ERAP1: variants seen among roughly 807,000 people sequenced by gnomAD.
The protein encoded by ERAP1 is adipocyte-derived leucine aminopeptidase.
Under a neutral mutation model 103.7 loss-of-function variants are expected in ERAP1, and 86 were observed. The observed-to-expected ratio is 0.83, with a 90% CI of 0.70 to 0.99. The LOEUF (loss-of-function observed/expected upper bound fraction) is 0.99. Among genes scored for constraint, ERAP1 ranks in the 50% least tolerant of loss-of-function variants. The pLI is 0.00. For missense variants in ERAP1, 1,009 were observed against 1,128.4 expected (o/e 0.89, Z 1.52); for synonymous variants, 398 against 402.4 (o/e 0.99, Z 0.13).
the ERAP1 span, among the ~76,000 whole-genome samples, chr5:96,835,975 C>T: frequency 3.3e-5 from 5 of 152,120 alleles, no homozygotes; most frequent in Admixed American, 3.3e-4. Flanking sequence ...ATGGGACCTC[C>T]GTTTCACCTT....
chr5:96,889,237 A>T, the ERAP1 span: 1 of 1,614,038 alleles, frequency 6.2e-7, no homozygotes, highest in South Asian at 1.1e-5. Context: ...TATGCTTTGC[A>T]GGCATCACTG....
the ERAP1 span, among the ~76,000 whole-genome samples, chr5:96,867,638 G>T: frequency 6.6e-6 from 1 of 152,200 alleles, no homozygotes; most frequent in African/African-American, 2.4e-5. Flanking sequence ...ATTCCTCATA[G>T]CCTCATGGCA....
rs977488302 is a variant in ERAP1 at position 96,800,630 on chromosome 5, A to G, written c.663+232T>C. Reference sequence around the variant, plus strand: ...CCACTTCCCTCCTATCAGCATGTATAACCTGGAATGGCACTGTTACTGAAA... The same window carrying G: ...CCACTTCCCTCCTATCAGCATGTATGACCTGGAATGGCACTGTTACTGAAA... On this transcript the variant is annotated intron_variant, in intron 3 of 18. Transcript: ENST00000443439. Among the ~76,000 whole-genome samples the G allele has an allele frequency of 2.6e-5, 4 of 152,364 alleles. No individual in the cohort carries two copies. In the East Asian group the frequency reaches 7.7e-4, roughly 29 times the overall value.
chr5:96,899,260 T>C, the ERAP1 span, among the ~76,000 whole-genome samples: 1 of 152,084 alleles, frequency 6.6e-6, no homozygotes, highest in Non-Finnish European at 1.5e-5. Context: ...TTCAATTATA[T>C]CACAGCTAGT....
the ERAP1 span, among the ~76,000 whole-genome samples, chr5:96,904,041 T>TCC: frequency 1.6e-4 from 25 of 152,340 alleles, no homozygotes; most frequent in East Asian, 4.6e-3. Context: ...ACCGGTGTAA[T>TCC]CTCTTAAGGA....
the ERAP1 span, chr5:96,903,616 G>A: frequency 2.8e-6 from 4 of 1,448,876 alleles, no homozygotes; most frequent in Admixed American, 2.2e-5. Flanking sequence ...AACCAGATAT[G>A]CTAGACTTCA....
At chr5:96,808,207 T>C (rs1234265880), upstream of ERAP1, 1 of 134,446 alleles carries the variant, frequency 7.4e-6, no homozygotes, top group Admixed American at 1.3e-4. Context: ...TGTGTGTGTG[T>C]GTGTGTGTGT....
chr5:96,883,276 C>T, the ERAP1 span, among the ~76,000 whole-genome samples: 2 of 152,202 alleles, frequency 1.3e-5, no homozygotes, highest in Non-Finnish European at 2.9e-5. Context: ...CCCTGTCCTG[C>T]TTCCCTCACT....
At chr5:96,893,661 A>T in the ERAP1 span, among the ~76,000 whole-genome samples, 1 of 152,188 alleles carries the variant, frequency 6.6e-6, no homozygotes, top group East Asian at 1.9e-4. Context: ...ACGGAGATGC[A>T]GTCAAGTGCT....
At chr5:96,815,407 G>GTTTT in the ERAP1 span, among the ~76,000 whole-genome samples, 68 of 105,468 alleles carry the variant, frequency 6.4e-4, 4 homozygotes, top group Non-Finnish European at 8.3e-4. Flanking sequence ...TGTTTGTTTT[G>GTTTT]TTTTTTATTT....
chr5:96,808,073 A>G (rs2151020393), upstream of ERAP1: 5 of 985,530 alleles, frequency 5.1e-6, no homozygotes, highest in Non-Finnish European at 6.0e-6. Context: ...GAGCGAGGGA[A>G]GCCGCAACTC....
the ERAP1 span, chr5:96,909,193 T>C: frequency 6.9e-7 from 1 of 1,439,796 alleles, no homozygotes; most frequent in East Asian, 2.3e-5. Flanking sequence ...GTTTGTTTTG[T>C]GTGAAGTCCT....
intron 2 of ERAP1, among the ~76,000 whole-genome samples, chr5:96,801,463 GA>G (rs34623658): frequency 6.1e-4 from 86 of 140,312 alleles, no homozygotes; most frequent in African/African-American, 1.8e-3. Flanking sequence ...GTCTCGGGAA[GA>G]AAAAAAAAAA....
intron 7 of ERAP1, 78 bp downstream of exon 7, chr5:96,793,322 A>C: frequency 1.0e-6 from 1 of 985,378 alleles, no homozygotes. Flanking sequence ...CTATAATCAA[A>C]GATTAGTGAA....
intron 14 of ERAP1, among the ~76,000 whole-genome samples, chr5:96,783,700 TA>T (rs2150916729): frequency 6.6e-6 from 1 of 152,100 alleles, no homozygotes; most frequent in African/African-American, 2.4e-5. Context: ...CCATGCAAAT[TA>T]AATAGAGTCT....
At chr5:96,906,260 C>CTCT in the ERAP1 span, among the ~76,000 whole-genome samples, 1 of 151,368 alleles carries the variant, frequency 6.6e-6, no homozygotes, top group East Asian at 1.9e-4. Flanking sequence ...CTACTTCTTC[C>CTCT]TCTTCTTCTT....
the ERAP1 span, chr5:96,889,482 C>A: frequency 1.3e-6 from 1 of 745,936 alleles, no homozygotes; most frequent in Non-Finnish European, 2.4e-6. Flanking sequence ...ATATTTATGA[C>A]ATGCCCCAAC....
chr5:96,785,035 G>A (rs1728305124), intron 13 of ERAP1: 3 of 152,294 alleles, frequency 2.0e-5, no homozygotes, highest in Non-Finnish European at 4.4e-5. Flanking sequence ...AGAAGAACCA[G>A]AAGGCACTCA....
At chr5:96,845,459 T>C in the ERAP1 span, among the ~76,000 whole-genome samples, 1 of 152,214 alleles carries the variant, frequency 6.6e-6, no homozygotes, top group Non-Finnish European at 1.5e-5. Flanking sequence ...GGTGTTGAAC[T>C]CCTGGCCTCA....
Sources: allele counts gnomAD v4.1 joint callset (sites outside exome capture counted in the v4.1 genomes callset), GRCh38; gene constraint gnomAD v4.1.1; transcripts MANE v1.5; gene names NCBI Gene and HGNC (gene_info 2026-07-23, HGNC 2026-07-21).